The following LARS1 variants were observed in gnomAD, a reference collection of about 807,000 sequenced individuals.
The protein encoded by LARS1 is leucine--tRNA ligase, cytoplasmic.
Under a neutral mutation model 162.8 loss-of-function variants are expected in LARS1, and 100 were observed. That is an observed-to-expected ratio of 0.61 (90% CI 0.52 to 0.73). The LOEUF is 0.73. Ranked by LOEUF, LARS1 falls within the 30% of genes least tolerant of loss-of-function variation. The probability of loss-of-function intolerance (pLI) is 0.00; values close to 1 mark genes in which losing one functional copy is unlikely to be tolerated. For synonymous variants in LARS1, 457 were observed against 462.8 expected (o/e 0.99, Z 0.16); for missense variants, 1,258 against 1,408.9 (o/e 0.89, Z 1.71).
In LARS1 at chr5:146,144,864, T is replaced by C. The variant is rs1432576064; in HGVS notation, c.1504-155A>G. ...CCCGCCTTCCCAGGGTCAGTCATCT[T>C]CTACCTTTCCTTCTATGTAACACCT... On this transcript the variant is annotated intron_variant, in intron 15 of 31. Coordinates refer to ENST00000394434, the MANE Select transcript of LARS1 (RefSeq NM_020117.11). The C allele has an allele frequency of 4.7e-6, 3 of 634,686 alleles. No homozygotes were observed. In the East Asian group the frequency reaches 8.2e-5, roughly 17 times the overall value. The allele number at this position is 634,686 out of a possible 1,614,324, so 39.3% of individuals were successfully genotyped here.
chr5:146,126,112 G>A (rs1752030052), intron 28 of LARS1, among the ~76,000 whole-genome samples: 1 of 152,072 alleles, frequency 6.6e-6, no homozygotes, highest in South Asian at 2.1e-4. Flanking sequence ...CTGGTTCCAG[G>A]AATAGGGTCT....
intron 6 of LARS1, among the ~76,000 whole-genome samples, chr5:146,163,326 A>G (rs1444592759): frequency 6.6e-6 from 1 of 152,172 alleles, no homozygotes; most frequent in Admixed American, 6.5e-5. Context: ...CATATCTGCA[A>G]TAAGGTCACT....
intron 21 of LARS1, among the ~76,000 whole-genome samples, chr5:146,137,539 A>T (rs1351511689): frequency 6.6e-6 from 1 of 152,222 alleles, no homozygotes; most frequent in Non-Finnish European, 1.5e-5. Context: ...CAGCAGAAGC[A>T]TAGAGAGGAC....
At chr5:146,182,419 A>G (rs1754912907) in intron 1 of LARS1, 69 bp downstream of exon 1, 6 of 1,599,290 alleles carry the variant, frequency 3.8e-6, no homozygotes, top group South Asian at 1.1e-5. Flanking sequence ...AGGACAGCAC[A>G]TGGAGAGCCC....
intron 2 of LARS1, among the ~76,000 whole-genome samples, chr5:146,175,561 C>T (rs138039555): frequency 0.061 from 8,822 of 144,096 alleles, 316 homozygotes; most frequent in Middle Eastern, 0.071. Context: ...AAAAAAAGGC[C>T]GGGCGCAGTG....
At position 146,114,244 on chromosome 5, in the gene LARS1, CAGG is replaced by C; in HGVS notation, c.3390_3392del (p.Leu1131del). Reference sequence around the variant, plus strand: ...GGGTCTTCTCGGTGTACTCCTTTCCCAGGACAGGAACTCGTCGAGGCCCCAACA... The same window carrying C: ...GGGTCTTCTCGGTGTACTCCTTTCCCACAGGAACTCGTCGAGGCCCCAACA... On this transcript the variant is annotated inframe_deletion, in exon 32 of 32. Transcript: ENST00000394434. The C allele has an allele frequency of 6.2e-7, 1 of 1,613,740 alleles. No individual in the cohort carries two copies. Among genetic ancestry groups the C allele is most frequent in the Non-Finnish European group, 8.5e-7 (1 of 1,179,892 alleles).
At chr5:146,151,660 A>G (rs1753296486) in intron 14 of LARS1, among the ~76,000 whole-genome samples, 1 of 152,242 alleles carries the variant, frequency 6.6e-6, no homozygotes, top group African/African-American at 2.4e-5. Flanking sequence ...GGCACGAAAA[A>G]GACAATTTCT....
In LARS1 at chr5:146,114,521, G is replaced by C. The variant is rs116780433; in HGVS notation, c.3326-210C>G. Among the ~76,000 whole-genome samples, 8,381 of 151,898 alleles carry C rather than the reference G, an allele frequency of 0.055. 279 individuals are homozygous for C. Among genetic ancestry groups the C allele is most frequent in the Non-Finnish European group, 0.069 (4,673 of 67,938 alleles). On this transcript the variant is annotated intron_variant, in intron 31 of 31. Transcript: ENST00000394434. ...GGCTGAGGCGGGTGAATCACTTGAGGACAGGAGTTCGAGACTAGCCTGACC... is the reference window on the plus strand; with the variant it reads ...GGCTGAGGCGGGTGAATCACTTGAGCACAGGAGTTCGAGACTAGCCTGACC...
Position 146,153,723 on chromosome 5 carries a change from C to A in LARS1, c.1230+11G>T. On this transcript the variant is annotated intron_variant, in intron 12 of 31. Coordinates refer to ENST00000394434, the MANE Select transcript of LARS1 (RefSeq NM_020117.11). ...GAGGACGAAATACAAACATGAAACT[C>A]AGATACTTACTTGCTTTTTCTTCAA... 6.2e-7 allele frequency: 1 copy of A among 1,608,670 alleles called. No individual in the cohort carries two copies. Among genetic ancestry groups the A allele is most frequent in the Non-Finnish European group, 8.5e-7 (1 of 1,175,114 alleles).
At chr5:146,169,752 T>C (rs1754177864) in intron 4 of LARS1, among the ~76,000 whole-genome samples, 2 of 152,094 alleles carry the variant, frequency 1.3e-5, no homozygotes, top group Non-Finnish European at 2.9e-5. Context: ...TTTCACCACG[T>C]TGGCCAGGCT....
chr5:146,164,739 C>A (rs992267909), intron 5 of LARS1, among the ~76,000 whole-genome samples: 3 of 152,162 alleles, frequency 2.0e-5, no homozygotes, highest in African/African-American at 7.2e-5. Context: ...ACATAAAGAA[C>A]TACCCATTAT....
chr5:146,144,868 C>T (rs1752944826), intron 15 of LARS1, 159 bp from the exon 16 acceptor site: 1 of 626,392 alleles, frequency 1.6e-6, no homozygotes, highest in African/African-American at 1.8e-5. Flanking sequence ...TCATCTTCTA[C>T]CTTTCCTTCT....
At chr5:146,174,497 TATCC>T (rs1480459183) in intron 2 of LARS1, among the ~76,000 whole-genome samples, 5,466 of 15,278 alleles carry the variant, frequency 0.36, 757 homozygotes, top group East Asian at 0.61. Flanking sequence ...TATATATATA[TATCC>T]ATATATATAT....
At position 146,172,768 on chromosome 5, in the gene LARS1, G is replaced by T; in HGVS notation, c.132C>A (p.Gly44=). ...ASNLEKQTSK[G]KYFVTFPYPY... is the part of the protein sequence containing the mutation. The stretch of plus-strand genomic sequence containing the variant: ...GATATGGGAAGGTTACAAAATACTT[G>T]CCCTTGCTGCAAAACAACAGTATAA... The change falls in exon 3 of 32, where the codon GGC becomes GGA. Residue 44 remains glycine, a synonymous_variant. Coordinates refer to ENST00000394434, the MANE Select transcript of LARS1 (RefSeq NM_020117.11). 6.5e-7 allele frequency: 1 copy of T among 1,542,288 alleles called. No homozygotes were observed. The highest frequency in any genetic ancestry group is 8.8e-7 in the Non-Finnish European group (1 of 1,141,344).
Position 146,114,140 on chromosome 5 carries a change from T to A in LARS1, c.3497A>T (p.Asp1166Val). The A allele has an allele frequency of 6.2e-7, 1 of 1,613,834 alleles. No individual in the cohort carries two copies. Among genetic ancestry groups the A allele is most frequent in the Non-Finnish European group, 8.5e-7 (1 of 1,179,924 alleles). ...IHLTENGIRV[D>V]IGDTIIYLVH ...CAGATAGATTATTGTATCGCCAATATCCACCCTTATCCCATTCTCAGTCAG... is the reference window on the plus strand; with the variant it reads ...CAGATAGATTATTGTATCGCCAATAACCACCCTTATCCCATTCTCAGTCAG... The change falls in exon 32 of 32, where the codon GAT becomes GTT. Residue 1166 changes from aspartate (D) to valine (V), a missense_variant. By Grantham distance (152) the Asp-to-Val change is radical. Coordinates refer to ENST00000394434, the MANE Select transcript of LARS1 (RefSeq NM_020117.11).
chr5:146,125,013 A>ACACG (rs912640457), intron 28 of LARS1, among the ~76,000 whole-genome samples: 1 of 151,870 alleles, frequency 6.6e-6, no homozygotes, highest in African/African-American at 2.4e-5. Context: ...ACACACACAC[A>ACACG]CACGCACACA....
intron 15 of LARS1, among the ~76,000 whole-genome samples, chr5:146,146,362 A>AG (rs1561814178): frequency 2.1e-5 from 3 of 142,804 alleles, no homozygotes; most frequent in African/African-American, 5.1e-5. Context: ...AAAGAAAGAG[A>AG]AGAGAGAGAG....
At chr5:146,162,089 T>C (rs912583852) in intron 6 of LARS1, among the ~76,000 whole-genome samples, 14 of 152,230 alleles carry the variant, frequency 9.2e-5, no homozygotes, top group South Asian at 6.2e-4. Flanking sequence ...TAAAATCAGC[T>C]TCTTCCAAAC....
chr5:146,122,253 A>G (rs140437636), intron 30 of LARS1, among the ~76,000 whole-genome samples: 1 of 152,240 alleles, frequency 6.6e-6, no homozygotes, highest in African/African-American at 2.4e-5. Flanking sequence ...CACAAATAAC[A>G]TCTGATAGTT....
Sources: allele counts gnomAD v4.1 joint callset (sites outside exome capture counted in the v4.1 genomes callset), GRCh38; gene constraint gnomAD v4.1.1; transcripts MANE v1.5; gene names NCBI Gene and HGNC (gene_info 2026-07-23, HGNC 2026-07-21).